Variants in KCNC3 observed in about 807,000 individuals in gnomAD.
KCNC3 encodes the protein potassium voltage-gated channel subfamily C member 3.
Under a neutral mutation model 43.9 loss-of-function variants are expected in KCNC3, and 22 were observed. That is an observed-to-expected ratio of 0.50 (90% CI 0.36 to 0.72). The LOEUF (loss-of-function observed/expected upper bound fraction) is 0.72. KCNC3 is among the 30% of genes least tolerant of loss of function. The pLI is 0.00. For synonymous variants in KCNC3, 492 were observed against 488.0 expected (o/e 1.01, Z -0.11); for missense variants, 829 against 1,073.8 (o/e 0.77, Z 3.19).
chr19:50,330,624 A>G (rs2037176738), upstream of KCNC3, among the ~76,000 whole-genome samples: 1 of 152,032 alleles, frequency 6.6e-6, no homozygotes, highest in Non-Finnish European at 1.5e-5. Context: ...AGGGTAGATG[A>G]GGACTGGTGA....
Position 50,320,639 on chromosome 19 carries a change from G to A in KCNC3, c.2124C>T (p.Phe708=). Residue 708 remains phenylalanine, a synonymous_variant, in exon 3 of 5, where the codon TTC becomes TTT. Transcript: ENST00000477616. ...RGRYSRDRAC[F]LLTDYAPSPD... The stretch of plus-strand genomic sequence containing the variant: ...GGGAAGGGGCATAGTCGGTGAGGAG[G>A]AAGCAGGCTCGGTCCCGGCTATAGC... 1 of 1,613,202 alleles carries A rather than the reference G, an allele frequency of 6.2e-7. No homozygotes were observed. Among genetic ancestry groups the A allele is most frequent in the Middle Eastern group, 1.8e-4 (1 of 5,482 alleles).
At chr19:50,331,659 G>A (rs1019757972), upstream of KCNC3, among the ~76,000 whole-genome samples, 11 of 146,734 alleles carry the variant, frequency 7.5e-5, 1 homozygote, top group East Asian at 2.3e-3. Flanking sequence ...CCCCTCTTCC[G>A]TCTCTTTCCC....
In KCNC3 at chr19:50,320,791, C is replaced by T; in HGVS notation, c.1979-7G>A. ...TCCCCATTGGGGCGAGGATCTGCAT[C>T]CCAAGGGGGTCAGACAGAGAGACAA... On this transcript the variant is annotated splice_polypyrimidine_tract_variant and splice_region_variant and intron_variant, in intron 2 of 4. Transcript: ENST00000477616. 5 of 1,613,222 alleles carry T rather than the reference C, an allele frequency of 3.1e-6. No individual in the cohort carries two copies. Among genetic ancestry groups the T allele is most frequent in the Non-Finnish European group, 4.2e-6 (5 of 1,179,800 alleles).
Position 50,323,917 on chromosome 19 carries a change from G to A in KCNC3, c.1036C>T (p.Pro346Ser), listed in dbSNP as rs1360566916. 1 of 1,614,094 alleles carries A rather than the reference G, an allele frequency of 6.2e-7. No individual in the cohort carries two copies. Among genetic ancestry groups the A allele is most frequent in the Non-Finnish European group, 8.5e-7 (1 of 1,180,042 alleles). ...NITNVEVETE[P>S]FLTYVEGVCV... Reference sequence around the variant, plus strand: ...ACCCCCTCCACGTAGGTCAGGAAGGGCTCCGTCTCCACCTCCACGTTGGTG... The same window carrying A: ...ACCCCCTCCACGTAGGTCAGGAAGGACTCCGTCTCCACCTCCACGTTGGTG... Residue 346 changes from proline to serine, a missense_variant, in exon 2 of 5, where the codon CCC (proline) becomes TCC (serine). By Grantham distance (74) the Pro-to-Ser change is moderately conservative. This residue lies in a region of KCNC3 where 157 missense variants were observed against 293.5 expected (regional missense o/e 0.53). Coordinates refer to ENST00000477616, the MANE Select transcript of KCNC3 (RefSeq NM_004977.3).
At chr19:50,326,270 T>C (rs948504108) in intron 1 of KCNC3, among the ~76,000 whole-genome samples, 1 of 152,134 alleles carries the variant, frequency 6.6e-6, no homozygotes. Flanking sequence ...TCTAACTTCA[T>C]CCCGCTCCTC....
Position 50,323,433 on chromosome 19 carries a change from C to G in KCNC3, c.1520G>C (p.Gly507Ala), listed in dbSNP as rs1399774857. The change falls in exon 2 of 5, where the codon GGA (glycine) becomes GCA (alanine). Residue 507 changes from glycine to alanine, a missense_variant. Gly to Ala is a moderately conservative substitution (Grantham distance 60). This residue lies in a region of KCNC3 where 33 missense variants were observed against 96.0 expected (regional missense o/e 0.34). Transcript: ENST00000477616. Reference sequence around the variant, plus strand: ...CGACCACGTCTTGGGGTACATGTCTCCATAGCCCAGGGTCGTCATGGTGAC... The same window carrying G: ...CGACCACGTCTTGGGGTACATGTCTGCATAGCCCAGGGTCGTCATGGTGAC... ...AVVTMTTLGYGDMYPKTWSGM... is the reference protein window; with the variant it reads ...AVVTMTTLGYADMYPKTWSGM... The G allele has an allele frequency of 6.2e-7, 1 of 1,614,222 alleles. No homozygotes were observed. Among genetic ancestry groups the G allele is most frequent in the African/African-American group, 1.3e-5 (1 of 75,062 alleles).
chr19:50,312,015 G>A lies in KCNC3; in HGVS notation c.*4100C>T, dbSNP rs991643836. ...AGGGGGCATGACACTTTTTCTTTGG[G>A]GAGAGGGGGGTGACATGCGGCAGCT... On this transcript the variant is annotated 3_prime_UTR_variant, in exon 5 of 5. Coordinates refer to ENST00000477616, the MANE Select transcript of KCNC3 (RefSeq NM_004977.3). The A allele has an allele frequency of 6.6e-6, 1 of 152,074 alleles. No individual in the cohort carries two copies. Among genetic ancestry groups the A allele is most frequent in the African/African-American group, 2.4e-5 (1 of 41,398 alleles). The allele number at this position is 152,074 out of a possible 1,614,324, so 9.4% of individuals were successfully genotyped here. A position where few individuals can be genotyped will look rare whatever the true frequency, so the allele number is the denominator to read the frequency against.
intron 1 of KCNC3, among the ~76,000 whole-genome samples, chr19:50,326,649 C>T (rs187793248): frequency 6.6e-6 from 1 of 152,056 alleles, no homozygotes; most frequent in Non-Finnish European, 1.5e-5. Flanking sequence ...TTTCCAATTG[C>T]CCCCATTTTG....
chr19:50,323,614 CGTT>C lies in KCNC3; in HGVS notation c.1336_1338del (p.Asn446del). The C allele has an allele frequency of 6.2e-7, 1 of 1,614,224 alleles. No homozygotes were observed. Among genetic ancestry groups the C allele is most frequent in the Non-Finnish European group, 8.5e-7 (1 of 1,180,056 alleles). On this transcript the variant is annotated inframe_deletion, in exon 2 of 5. Coordinates refer to ENST00000477616, the MANE Select transcript of KCNC3 (RefSeq NM_004977.3). ...AGGAAGATGATGAGCAGCAGGAACT[CGTT>C]GGTGCTGGCGCGGAGCGTGTGTCCC...
Position 50,323,158 on chromosome 19 carries a change from G to C in KCNC3, c.1795C>G (p.Pro599Ala), listed in dbSNP as rs1047320973. Reference sequence around the variant, plus strand: ...ACCCCCATGGAGGGTGGGGTGATGGGTGGCGGCGGGCTGATGCCCCCGCTG... The same window carrying C: ...ACCCCCATGGAGGGTGGGGTGATGGCTGGCGGCGGGCTGATGCCCCCGCTG... ...HGSGGISPPPPITPPSMGVTV... is the reference protein window; with the variant it reads ...HGSGGISPPPAITPPSMGVTV... Residue 599 changes from proline to alanine, a missense_variant, in exon 2 of 5, where the codon CCC (proline) becomes GCC (alanine). Physicochemically the swap from Pro to Ala is conservative, Grantham distance 27. Transcript: ENST00000477616. 1.4e-5 allele frequency: 21 copies of C among 1,533,086 alleles called. No individual in the cohort carries two copies. Among genetic ancestry groups the C allele is most frequent in the African/African-American group, 1.4e-5 (1 of 72,852 alleles). 95.0% of individuals were successfully genotyped at this position (1,533,086 alleles called of 1,614,324 possible).
chr19:50,314,702 G>A lies in KCNC3; in HGVS notation c.*1413C>T. The A allele has an allele frequency of 2.3e-6, 1 of 434,782 alleles. No homozygotes were observed. Among genetic ancestry groups the A allele is most frequent in the Admixed American group, 2.5e-5 (1 of 40,430 alleles). 26.9% of individuals were successfully genotyped at this position (434,782 alleles called of 1,614,324 possible). On this transcript the variant is annotated 3_prime_UTR_variant, in exon 5 of 5. Transcript: ENST00000477616. ...GGCCCAGGTTGGGGGTGAGGGGCCC[G>A]GGGGTGTCTGCTGGCATCGTCATCT...
chr19:50,322,791 C>T (rs2037049658), intron 2 of KCNC3, among the ~76,000 whole-genome samples, 184 bp downstream of exon 2: 1 of 152,238 alleles, frequency 6.6e-6, no homozygotes, highest in Non-Finnish European at 1.5e-5. Context: ...AACTCTTTCC[C>T]ATGAAACCTA....
intron 4 of KCNC3, among the ~76,000 whole-genome samples, chr19:50,319,177 CACT>C (rs1454319498): frequency 3.3e-5 from 5 of 152,032 alleles, no homozygotes; most frequent in African/African-American, 1.2e-4. Flanking sequence ...TAAATAGCAC[CACT>C]GTCTTATCCC....
Position 50,324,488 on chromosome 19 carries a change from C to T in KCNC3, c.871-406G>A, listed in dbSNP as rs1316506970. Among the ~76,000 whole-genome samples the T allele has an allele frequency of 4.6e-5, 7 of 152,144 alleles. No individual in the cohort carries two copies. The highest frequency in any genetic ancestry group is 2.1e-4 in the South Asian group (1 of 4,824). ...AGCCGCCAGGCCTAAGATCACACAT[C>T]CTGTGTGTCTCGGAGGCTTTAGGGC... On this transcript the variant is annotated intron_variant, in intron 1 of 4. Coordinates refer to ENST00000477616, the MANE Select transcript of KCNC3 (RefSeq NM_004977.3). The surrounding 1 kb of genome is among the most constrained non-coding windows in gnomAD (Gnocchi z 4.1).
chr19:50,329,070 C>G lies in KCNC3; in HGVS notation c.13G>C (p.Val5Leu). 8.2e-7 allele frequency: 1 copy of G among 1,216,038 alleles called. No individual in the cohort carries two copies. Among genetic ancestry groups the G allele is most frequent in the African/African-American group, 1.8e-5 (1 of 54,316 alleles). 75.3% of individuals were successfully genotyped at this position (1,216,038 alleles called of 1,614,324 possible). A position where few individuals can be genotyped will look rare whatever the true frequency, so the allele number is the denominator to read the frequency against. MLSSVCVSSFRGRQG... is the reference protein window; with the variant it reads MLSSLCVSSFRGRQG... Reference sequence around the variant, plus strand: ...CGCCCGCGGAAGGACGAGACGCAGACTGAGCTCAGCATTGGACGGGGGGCG... The same window carrying G: ...CGCCCGCGGAAGGACGAGACGCAGAGTGAGCTCAGCATTGGACGGGGGGCG... The change falls in exon 1 of 5, where the codon GTC becomes CTC. Residue 5 changes from valine (V) to leucine (L), a missense_variant. By Grantham distance (32) the Val-to-Leu change is conservative. Around this residue, in one of 7 missense-constraint regions of KCNC3, gnomAD observed 129 missense variants for 83.6 expected, o/e 1.54. Coordinates refer to ENST00000477616, the MANE Select transcript of KCNC3 (RefSeq NM_004977.3).
chr19:50,328,994 G>A lies in KCNC3; in HGVS notation c.89C>T (p.Ser30Phe), dbSNP rs2123547685. Residue 30 changes from serine (S) to phenylalanine (F), a missense_variant, in exon 1 of 5, where the codon TCC (serine) becomes TTC (phenylalanine). Transcript: ENST00000477616. ...QPAPPPQPPE[S>F]PPPPPLPPQQ... ...CGGCGGCAGCGGTGGCGGCGGCGGGGACTCGGGCGGCTGCGGCGGTGGCGC... is the reference window on the plus strand; with the variant it reads ...CGGCGGCAGCGGTGGCGGCGGCGGGAACTCGGGCGGCTGCGGCGGTGGCGC... 2 of 1,199,114 alleles carry A rather than the reference G, an allele frequency of 1.7e-6. No individual in the cohort carries two copies. Among genetic ancestry groups the A allele is most frequent in the East Asian group, 3.3e-5 (1 of 29,852 alleles). The allele number at this position is 1,199,114 out of a possible 1,614,324, so 74.3% of individuals were successfully genotyped here. A position where few individuals can be genotyped will look rare whatever the true frequency, so the allele number is the denominator to read the frequency against.
chr19:50,323,239 G>T lies in KCNC3; in HGVS notation c.1714C>A (p.Pro572Thr). 1 of 1,586,484 alleles carries T rather than the reference G, an allele frequency of 6.3e-7. No homozygotes were observed. Reference sequence around the variant, plus strand: ...GGTGGGTCAGGCTTGCAGTAGTTGGGCGAGCCCGGTTGCGGGGGCCGGGGG... The same window carrying T: ...GGTGGGTCAGGCTTGCAGTAGTTGGTCGAGCCCGGTTGCGGGGGCCGGGGG... ...HIPRPPQPGS[P>T]NYCKPDPPPP... Residue 572 changes from proline (P) to threonine (T), a missense_variant, in exon 2 of 5, where the codon CCC becomes ACC. By Grantham distance (38) the Pro-to-Thr change is conservative. This residue lies in a region of KCNC3 where 308 missense variants were observed against 276.2 expected (regional missense o/e 1.11). Transcript: ENST00000477616.
At chr19:50,330,996 T>C (rs1162732890), upstream of KCNC3, among the ~76,000 whole-genome samples, 10 of 152,070 alleles carry the variant, frequency 6.6e-5, no homozygotes, top group Admixed American at 5.9e-4. Context: ...GCACAGTTTC[T>C]GGCCCGCCGC....
chr19:50,322,637 G>GGTCT (rs543953588), intron 2 of KCNC3, among the ~76,000 whole-genome samples: 87 of 152,124 alleles, frequency 5.7e-4, no homozygotes, highest in African/African-American at 2.0e-3. Context: ...TTCTGCCTCG[G>GGTCT]GTCTGCCTGT....
Sources: gnomAD v4.1 joint callset for allele counts (sites outside exome capture counted in the v4.1 genomes callset) on GRCh38, gnomAD v4.1.1 for gene constraint, gnomAD v4.1.1 regional missense constraint, Gnocchi (gnomAD v3.1) non-coding constraint, MANE v1.5 for transcripts, NCBI Gene and HGNC (gene_info 2026-07-23, HGNC 2026-07-21) for gene names.